The following C12orf42 variants were observed in gnomAD, a reference collection of about 807,000 sequenced individuals.
The protein encoded by C12orf42 is chromosome 12 open reading frame 42.
Under a neutral mutation model 21.6 loss-of-function variants are expected in C12orf42, and 25 were observed. The observed-to-expected ratio is 1.16, with a 90% CI of 0.84 to 1.62. The LOEUF is 1.62. Among genes scored for constraint, C12orf42 ranks in the 40% most tolerant of loss-of-function variants. C12orf42 has a pLI of 0.00. For missense variants in C12orf42, 483 were observed against 459.3 expected (o/e 1.05, Z -0.47); for synonymous variants, 174 against 175.0 (o/e 0.99, Z 0.05).
At position 103,305,225 on chromosome 12, in the gene C12orf42, C is replaced by T. The variant is rs751922636; in HGVS notation, c.631+749G>A. Among the ~76,000 whole-genome samples, 66 of 152,154 alleles carry T rather than the reference C, an allele frequency of 4.3e-4. 2 individuals are homozygous for T. Among genetic ancestry groups the T allele is most frequent in the Non-Finnish European group, 1.5e-5 (1 of 68,030 alleles). ...TGAAAAGACTATATAACATCAGTCT[C>T]ATCCTTCTTCTACATGACAGCTCTT... On this transcript the variant is annotated intron_variant, in intron 5 of 5. Coordinates refer to ENST00000548883, the MANE Select transcript of C12orf42 (RefSeq NM_198521.5).
intron 2 of C12orf42, among the ~76,000 whole-genome samples, chr12:103,402,764 GAAGC>G (rs898562378): frequency 6.6e-6 from 1 of 152,214 alleles, no homozygotes; most frequent in African/African-American, 2.4e-5. Flanking sequence ...AATGGAAGAA[GAAGC>G]AAGAGCTTCT....
At chr12:103,516,025 T>C in the C12orf42 span, among the ~76,000 whole-genome samples, 8 of 152,206 alleles carry the variant, frequency 5.3e-5, no homozygotes, top group African/African-American at 1.7e-4. Context: ...GCAGTATAGA[T>C]AGTACTTGGA....
At chr12:103,360,126 T>C (rs769527519) in intron 4 of C12orf42, among the ~76,000 whole-genome samples, 4 of 147,882 alleles carry the variant, frequency 2.7e-5, no homozygotes, top group Non-Finnish European at 4.5e-5. Flanking sequence ...TCAAATTACA[T>C]CACTCCCATG....
the C12orf42 span, among the ~76,000 whole-genome samples, chr12:103,206,793 T>C: frequency 6.6e-6 from 1 of 152,296 alleles, no homozygotes; most frequent in African/African-American, 2.4e-5. Context: ...TCCAGCCAAG[T>C]GAGAATTTCA....
chr12:103,403,699 C>T (rs952633690), intron 2 of C12orf42, among the ~76,000 whole-genome samples: 21 of 152,140 alleles, frequency 1.4e-4, no homozygotes, highest in African/African-American at 4.1e-4. Context: ...CAAGAATCAC[C>T]GGGGGAAAAT....
chr12:103,331,079 T>C (rs1043523438), intron 4 of C12orf42, among the ~76,000 whole-genome samples: 1 of 152,220 alleles, frequency 6.6e-6, no homozygotes, highest in Non-Finnish European at 1.5e-5. Flanking sequence ...TTATGAGGTA[T>C]GTGCCAATAA....
the C12orf42 span, among the ~76,000 whole-genome samples, chr12:103,205,320 C>T: frequency 7.6e-6 from 1 of 132,322 alleles, no homozygotes; most frequent in South Asian, 2.6e-4. Context: ...CTCACAGTTC[C>T]ACATGCCTGG....
chr12:103,108,109 C>A, the C12orf42 span, among the ~76,000 whole-genome samples: 1 of 150,306 alleles, frequency 6.7e-6, no homozygotes, highest in Non-Finnish European at 1.5e-5. Flanking sequence ...CCCCAAAAAC[C>A]TATTAAAATA....
chr12:103,073,108 T>A, the C12orf42 span, among the ~76,000 whole-genome samples: 1,631 of 152,148 alleles, frequency 0.011, 12 homozygotes, highest in South Asian at 0.019. Flanking sequence ...TGTTCTCACA[T>A]AACAGGGACC....
upstream of C12orf42, among the ~76,000 whole-genome samples, chr12:103,498,728 G>A (rs538517304): frequency 3.9e-5 from 6 of 152,266 alleles, no homozygotes; most frequent in South Asian, 1.2e-3. Flanking sequence ...CAGGTACATG[G>A]ATGGAGCTGG....
intron 2 of C12orf42, among the ~76,000 whole-genome samples, chr12:103,427,173 A>AACG (rs1471681562): frequency 6.6e-6 from 1 of 152,122 alleles, no homozygotes; most frequent in Non-Finnish European, 1.5e-5. Context: ...CAAACTGGAT[A>AACG]AAGAGTCAAG....
the C12orf42 span, among the ~76,000 whole-genome samples, chr12:103,094,287 C>T: frequency 0.011 from 1,612 of 152,216 alleles, 9 homozygotes; most frequent in South Asian, 0.019. Context: ...TTTGAGTGGT[C>T]TTCCCTTTCA....
downstream of C12orf42, among the ~76,000 whole-genome samples, chr12:103,298,809 C>T (rs2037470925): frequency 6.6e-6 from 1 of 152,228 alleles, no homozygotes; most frequent in Admixed American, 6.5e-5. Context: ...CTTAAAAGTG[C>T]TGCCATCTTT....
At chr12:103,354,667 G>A (rs2043371519) in intron 4 of C12orf42, among the ~76,000 whole-genome samples, 1 of 152,126 alleles carries the variant, frequency 6.6e-6, no homozygotes, top group Non-Finnish European at 1.5e-5. Context: ...TAGATAAATA[G>A]GAAGAATAAG....
At chr12:103,490,502 G>C (rs1052191839) in intron 1 of C12orf42, among the ~76,000 whole-genome samples, 1 of 151,898 alleles carries the variant, frequency 6.6e-6, no homozygotes, top group Admixed American at 6.6e-5. Context: ...TTTATCCATT[G>C]ATTTTATTTT....
intron 4 of C12orf42, among the ~76,000 whole-genome samples, chr12:103,310,336 G>A (rs2038852059): frequency 6.6e-6 from 1 of 151,998 alleles, no homozygotes; most frequent in African/African-American, 2.4e-5. Flanking sequence ...CACCTTCTCA[G>A]GAGCCAATTA....
chr12:103,231,103 T>C, the C12orf42 span, among the ~76,000 whole-genome samples: 1 of 152,242 alleles, frequency 6.6e-6, no homozygotes. Context: ...TAAAAATTGA[T>C]TCTTAATTTT....
chr12:103,112,149 GT>G, the C12orf42 span, among the ~76,000 whole-genome samples: 1 of 152,180 alleles, frequency 6.6e-6, no homozygotes, highest in African/African-American at 2.4e-5. Flanking sequence ...AGTGAAGCGT[GT>G]TTTCTAGCCT....
At chr12:103,463,574 T>C (rs1638606140) in intron 2 of C12orf42, among the ~76,000 whole-genome samples, 2 of 152,154 alleles carry the variant, frequency 1.3e-5, no homozygotes, top group African/African-American at 4.8e-5. Flanking sequence ...CTAGAATCCA[T>C]AGTACCTCAT....
Sources: allele counts gnomAD v4.1 joint callset (sites outside exome capture counted in the v4.1 genomes callset), GRCh38; gene constraint gnomAD v4.1.1; transcripts MANE v1.5; gene names NCBI Gene and HGNC (gene_info 2026-07-23, HGNC 2026-07-21).